The following DPP10 variants were observed in gnomAD, a reference collection of about 807,000 sequenced individuals.
The protein encoded by DPP10 is inactive dipeptidyl peptidase 10.
A neutral mutation model predicts 120.9 loss-of-function variants in DPP10; 33 were observed. That is an observed-to-expected ratio of 0.27 (90% confidence interval 0.21 to 0.37). The LOEUF (loss-of-function observed/expected upper bound fraction) is 0.37, where lower values mean the gene tolerates loss of function less well. DPP10 is among the 10% of genes least tolerant of loss of function. DPP10 has a pLI of 1.00. For synonymous variants in DPP10, 337 were observed against 326.1 expected (o/e 1.03, Z -0.36); for missense variants, 816 against 942.8 (o/e 0.87, Z 1.76).
At chr2:115,686,875 G>A (rs1334477313) in intron 5 of DPP10, among the ~76,000 whole-genome samples, 1 of 151,982 alleles carries the variant, frequency 6.6e-6, no homozygotes, top group East Asian at 1.9e-4. Context: ...AAATTTGCTT[G>A]TCCCCATAGG....
chr2:114,593,020 T>G (rs1691591795), intron 1 of DPP10, among the ~76,000 whole-genome samples: 1 of 152,196 alleles, frequency 6.6e-6, no homozygotes, highest in Non-Finnish European at 1.5e-5. Context: ...CTCTTCCAGA[T>G]AATACAAAAC....
chr2:114,595,113 C>T (rs1691802180), intron 1 of DPP10, among the ~76,000 whole-genome samples: 1 of 152,090 alleles, frequency 6.6e-6, no homozygotes, highest in South Asian at 2.1e-4. Flanking sequence ...TTTTCCCTGA[C>T]ATGTATCAAA....
intron 1 of DPP10, among the ~76,000 whole-genome samples, chr2:114,981,895 C>A (rs1381293543): frequency 6.6e-6 from 1 of 151,494 alleles, no homozygotes; most frequent in African/African-American, 2.4e-5. Flanking sequence ...TTGTGTTCCA[C>A]CTTTCTTTTT....
At chr2:114,807,576 T>G (rs1684839060) in intron 1 of DPP10, among the ~76,000 whole-genome samples, 1 of 152,258 alleles carries the variant, frequency 6.6e-6, no homozygotes, top group Non-Finnish European at 1.5e-5. Flanking sequence ...ATATAAATTT[T>G]CTAACTTCTT....
chr2:115,587,033 A>G (rs1240402543), intron 5 of DPP10, among the ~76,000 whole-genome samples: 3 of 151,604 alleles, frequency 2.0e-5, no homozygotes, highest in Admixed American at 1.3e-4. Flanking sequence ...TTTATAACTG[A>G]AAGTTTATAA....
At chr2:114,760,008 A>G (rs1680135741) in intron 1 of DPP10, among the ~76,000 whole-genome samples, 2 of 152,338 alleles carry the variant, frequency 1.3e-5, no homozygotes, top group African/African-American at 4.8e-5. Flanking sequence ...TAAATCGTCA[A>G]GTCACCCACT....
chr2:115,748,006 C>A (rs1214535171), intron 10 of DPP10, among the ~76,000 whole-genome samples: 1 of 151,952 alleles, frequency 6.6e-6, no homozygotes, highest in Admixed American at 6.6e-5. Context: ...GATTCCTGAC[C>A]TTGATTTTTT....
intron 1 of DPP10, among the ~76,000 whole-genome samples, chr2:115,209,231 C>G (rs991025886): frequency 1.8e-4 from 28 of 152,196 alleles, no homozygotes; most frequent in African/African-American, 6.3e-4. Flanking sequence ...TGTCTAAAAC[C>G]TACTAAAACA....
At chr2:115,270,253 C>T (rs544835108) in intron 1 of DPP10, among the ~76,000 whole-genome samples, 6 of 151,934 alleles carry the variant, frequency 3.9e-5, no homozygotes, top group East Asian at 1.9e-4. Context: ...GGTCAGGAGA[C>T]GTAGAGAAGG....
intron 5 of DPP10, among the ~76,000 whole-genome samples, chr2:115,673,563 G>C (rs1478840685): frequency 6.6e-6 from 1 of 152,110 alleles, no homozygotes; most frequent in African/African-American, 2.4e-5. Context: ...TATTTCTTCT[G>C]TCCAGTCGTG....
chr2:114,962,672 C>A (rs182688178), intron 1 of DPP10, among the ~76,000 whole-genome samples: 1 of 152,164 alleles, frequency 6.6e-6, no homozygotes, highest in Non-Finnish European at 1.5e-5. Flanking sequence ...AAAGTAACCA[C>A]GGCCTATCTC....
intron 21 of DPP10, among the ~76,000 whole-genome samples, chr2:115,827,707 T>C (rs1043194324): frequency 6.6e-6 from 1 of 151,710 alleles, no homozygotes; most frequent in Non-Finnish European, 1.5e-5. Context: ...GCGATTCTCC[T>C]GCCTCAGCCT....
intron 1 of DPP10, among the ~76,000 whole-genome samples, chr2:115,184,791 G>A (rs1026454205): frequency 1.3e-5 from 2 of 152,196 alleles, no homozygotes; most frequent in Admixed American, 1.3e-4. Context: ...ACTGTTGACA[G>A]CAGGTTGCCT....
At chr2:114,455,103 A>G (rs540518147) in intron 1 of DPP10, among the ~76,000 whole-genome samples, 2 of 151,828 alleles carry the variant, frequency 1.3e-5, no homozygotes, top group South Asian at 4.2e-4. Context: ...CGATATCACT[A>G]TGAGAAAGGA....
intron 1 of DPP10, among the ~76,000 whole-genome samples, chr2:115,292,144 A>C (rs573202711): frequency 6.4e-4 from 98 of 152,270 alleles, no homozygotes; most frequent in Non-Finnish European, 1.2e-3. Context: ...AGTGGTAACT[A>C]GTCTAATTTT....
intron 2 of DPP10, among the ~76,000 whole-genome samples, chr2:115,335,090 G>A (rs1015400428): frequency 6.6e-5 from 10 of 151,782 alleles, no homozygotes; most frequent in African/African-American, 1.9e-4. Context: ...CACATCTTAC[G>A]GGGATGGCAG....
intron 1 of DPP10, among the ~76,000 whole-genome samples, chr2:114,593,207 A>G (rs1691609092): frequency 6.6e-6 from 1 of 152,222 alleles, no homozygotes; most frequent in African/African-American, 2.4e-5. Flanking sequence ...GAAAAAAATG[A>G]ATCATAAGAA....
At chr2:115,354,147 A>T (rs2106319392) in intron 3 of DPP10, among the ~76,000 whole-genome samples, 1 of 152,258 alleles carries the variant, frequency 6.6e-6, no homozygotes, top group Non-Finnish European at 1.5e-5. Flanking sequence ...TTTTTAAAAA[A>T]ATGTATTCTT....
At chr2:115,142,518 G>C (rs1327639007) in intron 1 of DPP10, among the ~76,000 whole-genome samples, 1 of 152,158 alleles carries the variant, frequency 6.6e-6, no homozygotes, top group East Asian at 1.9e-4. Flanking sequence ...AGAAATTGAA[G>C]CACAGAAGTT....
Sources: gnomAD v4.1 joint callset for allele counts (sites outside exome capture counted in the v4.1 genomes callset) on GRCh38, gnomAD v4.1.1 for gene constraint, MANE v1.5 for transcripts, NCBI Gene and HGNC (gene_info 2026-07-23, HGNC 2026-07-21) for gene names.